Variants in PARD3B observed in about 807,000 individuals in gnomAD.
The protein encoded by PARD3B is par-3 family cell polarity regulator beta.
In PARD3B, 103 loss-of-function variants were observed where a neutral mutation model predicts 130.2. The ratio of observed to expected loss-of-function variants is 0.79; its 90% confidence interval spans 0.67 to 0.93. The LOEUF (loss-of-function observed/expected upper bound fraction) is 0.93. Among genes scored for constraint, PARD3B ranks in the 40% least tolerant of loss-of-function variants. The probability of loss-of-function intolerance (pLI) is 0.00; values close to 1 mark genes in which losing one functional copy is unlikely to be tolerated. For synonymous variants in PARD3B, 583 were observed against 553.2 expected (o/e 1.05, Z -0.76); for missense variants, 1,609 against 1,499.2 (o/e 1.07, Z -1.21).
At chr2:205,580,675 C>T (rs886530860) in intron 22 of PARD3B, among the ~76,000 whole-genome samples, 2 of 152,112 alleles carry the variant, frequency 1.3e-5, no homozygotes, top group Admixed American at 6.5e-5. Context: ...GAATTAATCA[C>T]GAAGAATTGA....
intron 13 of PARD3B, among the ~76,000 whole-genome samples, chr2:205,179,909 T>G (rs999066205): frequency 8.5e-5 from 13 of 152,078 alleles, no homozygotes; most frequent in Non-Finnish European, 1.6e-4. Context: ...CAATAATCAT[T>G]TGGTTTGGAA....
intron 15 of PARD3B, among the ~76,000 whole-genome samples, chr2:205,216,405 T>C (rs1029966151): frequency 2.0e-5 from 3 of 152,214 alleles, no homozygotes; most frequent in African/African-American, 7.2e-5. Flanking sequence ...AAAATGTTAA[T>C]ATTGACTTTC....
intron 4 of PARD3B, among the ~76,000 whole-genome samples, chr2:205,059,475 C>T (rs1248853443): frequency 3.9e-5 from 6 of 152,012 alleles, no homozygotes; most frequent in South Asian, 4.1e-4. Flanking sequence ...GTACAGGTAC[C>T]CTTCAAAACT....
chr2:204,706,021 C>G (rs960205042), intron 2 of PARD3B, among the ~76,000 whole-genome samples: 2 of 152,034 alleles, frequency 1.3e-5, no homozygotes, highest in African/African-American at 4.8e-5. Flanking sequence ...AGAAGACAGG[C>G]TTTAAACTTT....
Position 205,172,253 on chromosome 2 carries a change from G to T in PARD3B, c.1663G>T (p.Gly555Trp). 1 of 1,614,086 alleles carries T rather than the reference G, an allele frequency of 6.2e-7. No homozygotes were observed. Among genetic ancestry groups the T allele is most frequent in the Non-Finnish European group, 8.5e-7 (1 of 1,179,986 alleles). ...RMNDQLIAVN[G>W]ESLLGKSNHE... ...GAATGACCAGCTGATTGCAGTTAAT[G>T]GGGAATCTCTTTTGGGAAAGTCCAA... is the stretch of plus-strand genomic sequence containing the variant. The change falls in exon 12 of 23, where the codon GGG (glycine) becomes TGG (tryptophan). Residue 555 changes from glycine (G) to tryptophan (W), a missense_variant. By Grantham distance (184) the Gly-to-Trp change is radical. Coordinates refer to ENST00000406610, the MANE Select transcript of PARD3B (RefSeq NM_001302769.2).
intron 22 of PARD3B, among the ~76,000 whole-genome samples, chr2:205,571,755 T>A (rs73060178): frequency 6.6e-6 from 1 of 152,216 alleles, no homozygotes; most frequent in South Asian, 2.1e-4. Context: ...GCTGGCCTTA[T>A]TGGCTATTAA....
chr2:205,396,362 A>G (rs1326245955), intron 18 of PARD3B, among the ~76,000 whole-genome samples: 1 of 152,202 alleles, frequency 6.6e-6, no homozygotes, highest in African/African-American at 2.4e-5. Context: ...ATATTAACCT[A>G]TATCAATTGC....
At chr2:204,960,596 A>G (rs1308039855) in intron 2 of PARD3B, among the ~76,000 whole-genome samples, 1 of 152,200 alleles carries the variant, frequency 6.6e-6, no homozygotes, top group Non-Finnish European at 1.5e-5. Context: ...AAAACATGTG[A>G]AAAATCTAGG....
chr2:204,619,369 C>T (rs984838930), intron 1 of PARD3B, among the ~76,000 whole-genome samples: 1 of 152,156 alleles, frequency 6.6e-6, no homozygotes, highest in Non-Finnish European at 1.5e-5. Context: ...GCTGTTCTTT[C>T]CCAGTTCACT....
intron 21 of PARD3B, among the ~76,000 whole-genome samples, chr2:205,507,783 TC>T (rs751166095): frequency 5.3e-5 from 8 of 152,210 alleles, no homozygotes; most frequent in Non-Finnish European, 1.2e-4. Flanking sequence ...CTTTGTGTAT[TC>T]TCCTGTTTAT....
chr2:204,599,448 T>G (rs1292131954), intron 1 of PARD3B, among the ~76,000 whole-genome samples: 1 of 152,034 alleles, frequency 6.6e-6, no homozygotes, highest in East Asian at 1.9e-4. Flanking sequence ...TGTTTGACTT[T>G]CTGTTCCTGG....
intron 14 of PARD3B, among the ~76,000 whole-genome samples, chr2:205,190,875 T>C (rs2036356479): frequency 6.6e-6 from 1 of 152,036 alleles, no homozygotes; most frequent in Non-Finnish European, 1.5e-5. Context: ...TGCAGTAGTG[T>C]CTCAGAATTC....
chr2:205,171,232 A>G (rs928888971), intron 11 of PARD3B, among the ~76,000 whole-genome samples: 2 of 152,148 alleles, frequency 1.3e-5, no homozygotes, highest in Non-Finnish European at 2.9e-5. Flanking sequence ...AGCACTTTCT[A>G]CCTGAGTGTA....
chr2:205,403,541 A>G (rs1283492402), intron 19 of PARD3B, among the ~76,000 whole-genome samples: 1 of 152,178 alleles, frequency 6.6e-6, no homozygotes. Context: ...ATTCAACCAC[A>G]TGATTTCTTG....
rs568176608 is a variant in PARD3B, at chr2:205,281,974, C to T, written c.2186-18556C>T. On this transcript the variant is annotated intron_variant, in intron 16 of 22. Coordinates refer to ENST00000406610, the MANE Select transcript of PARD3B (RefSeq NM_001302769.2). This position sits in a 1 kb window ranked among gnomAD's most constrained non-coding sequence, Gnocchi z 4.2. ...CTTTTGTTCACTTTGTTGAAAATTT[C>T]CCATTCGTTTTCTAATTATCAAAAA... Among the ~76,000 whole-genome samples, 1 of 152,222 alleles carries T rather than the reference C, an allele frequency of 6.6e-6. No homozygotes were observed. The highest frequency in any genetic ancestry group is 1.9e-4 in the East Asian group (1 of 5,180).
chr2:205,427,706 A>G (rs565175969), intron 19 of PARD3B, among the ~76,000 whole-genome samples: 1 of 152,208 alleles, frequency 6.6e-6, no homozygotes, highest in Non-Finnish European at 1.5e-5. Context: ...AATATGCCTT[A>G]CATATAGCAA....
At chr2:204,959,710 T>G (rs186458198) in intron 2 of PARD3B, among the ~76,000 whole-genome samples, 1 of 152,312 alleles carries the variant, frequency 6.6e-6, no homozygotes, top group African/African-American at 2.4e-5. Flanking sequence ...TTTATGGATA[T>G]CACTTTTTTT....
At chr2:205,479,891 T>A (rs2049162716) in intron 20 of PARD3B, among the ~76,000 whole-genome samples, 1 of 134,404 alleles carries the variant, frequency 7.4e-6, no homozygotes, top group African/African-American at 2.7e-5. Flanking sequence ...TCCAGCCATA[T>A]GCAATTTTTT....
At chr2:205,612,978 G>T (rs1284376054) in intron 22 of PARD3B, among the ~76,000 whole-genome samples, 1 of 152,094 alleles carries the variant, frequency 6.6e-6, no homozygotes, top group African/African-American at 2.4e-5. Context: ...ACCTCTCAGG[G>T]TGGCTTCTGC....
Sources: gnomAD v4.1 joint callset for allele counts (sites outside exome capture counted in the v4.1 genomes callset) on GRCh38, gnomAD v4.1.1 for gene constraint, Gnocchi (gnomAD v3.1) non-coding constraint, MANE v1.5 for transcripts, NCBI Gene and HGNC (gene_info 2026-07-23, HGNC 2026-07-21) for gene names.